Variants in TEKT5 observed in about 807,000 individuals in gnomAD.
The protein encoded by TEKT5 is tektin 5.
TEKT5 carries 52 observed loss-of-function variants against 48.7 expected under a neutral mutation model. The observed-to-expected ratio is 1.07, with a 90% CI of 0.86 to 1.35. The LOEUF is 1.35. Among genes scored for constraint, TEKT5 ranks in the 40% most tolerant of loss-of-function variants. The pLI is 0.00. For synonymous variants in TEKT5, 318 were observed against 267.6 expected (o/e 1.19, Z -1.84); for missense variants, 831 against 641.6 (o/e 1.30, Z -3.19).
Position 10,694,886 on chromosome 16 carries a change from GC to G in TEKT5, c.-14del, listed in dbSNP as rs749207987. On this transcript the variant is annotated 5_prime_UTR_variant, in exon 1 of 7. Coordinates refer to ENST00000283025, the MANE Select transcript of TEKT5 (RefSeq NM_144674.2). ...CAAGAAACTCCATCCTCCCTCATGA[GC>G]CCCACTCGGGCAAAACTCAGCTCAA... is the stretch of plus-strand genomic sequence containing the variant. The G allele has an allele frequency of 6.5e-7, 1 of 1,528,974 alleles. No homozygotes were observed. Among genetic ancestry groups the G allele is most frequent in the African/African-American group, 1.4e-5 (1 of 72,216 alleles). The allele number at this position is 1,528,974 out of a possible 1,614,324, so 94.7% of individuals were successfully genotyped here.
At chr16:10,678,065 G>A (rs1008831183) in intron 4 of TEKT5, among the ~76,000 whole-genome samples, 1 of 152,148 alleles carries the variant, frequency 6.6e-6, no homozygotes, top group Admixed American at 6.6e-5. Flanking sequence ...AATGGACTAT[G>A]TGGGGTTTTC....
intron 4 of TEKT5, among the ~76,000 whole-genome samples, chr16:10,680,104 A>C (rs948890268): frequency 6.6e-6 from 1 of 152,286 alleles, no homozygotes; most frequent in South Asian, 2.1e-4. Context: ...TCTGTTTGGG[A>C]AGAGAGACCC....
chr16:10,659,119 G>A (rs748551602), intron 5 of TEKT5, among the ~76,000 whole-genome samples: 16 of 152,176 alleles, frequency 1.1e-4, no homozygotes, highest in African/African-American at 4.8e-5. Context: ...CATCCACCCC[G>A]CAAGCTGTGA....
intron 5 of TEKT5, among the ~76,000 whole-genome samples, chr16:10,673,646 ATTTTTTT>A (rs60322821): frequency 1.9e-5 from 2 of 105,770 alleles, no homozygotes; most frequent in Non-Finnish European, 3.8e-5. Context: ...CACCCATTCT[ATTTTTTT>A]TTTTTTTTTT....
intron 5 of TEKT5, among the ~76,000 whole-genome samples, chr16:10,663,565 GAA>G (rs1330449425): frequency 6.6e-6 from 1 of 152,194 alleles, no homozygotes; most frequent in African/African-American, 2.4e-5. Flanking sequence ...AGGAGAGAGA[GAA>G]AGAGGAGAGG....
At position 10,635,769 on chromosome 16, in the gene TEKT5, C is replaced by T. The variant is rs745922342; in HGVS notation, c.1236G>A (p.Gln412=). 1.2e-6 allele frequency: 2 copies of T among 1,611,900 alleles called. No homozygotes were observed. The highest frequency in any genetic ancestry group is 1.7e-6 in the Non-Finnish European group (2 of 1,178,368). The change falls in exon 6 of 7, where the codon CAG becomes CAA. Residue 412 remains glutamine (Q), a synonymous_variant. Transcript: ENST00000283025. ...PNMELCRDIP[Q]LKLVNEVFTI... is the part of the protein sequence containing the mutation. ...CTCTGGCCTCCCTCACTTACTTCAA[C>T]TGCGGGATGTCCCTGCACAGCTCCA...
chr16:10,635,916 C>T lies in TEKT5; in HGVS notation c.1089G>A (p.Thr363=), dbSNP rs775543552. The change falls in exon 6 of 7, where the codon ACG becomes ACA. Residue 363 remains threonine, a splice_region_variant and synonymous_variant. Coordinates refer to ENST00000283025, the MANE Select transcript of TEKT5 (RefSeq NM_144674.2). ...KNKLQTQLAK[T]LQEIFQAENT... is the part of the protein sequence containing the mutation. ...TCTCGGCCTGGAAGATCTCCTGCAGCGTCTGCGAGGGAACACACAGGTGTC... is the reference window on the plus strand; with the variant it reads ...TCTCGGCCTGGAAGATCTCCTGCAGTGTCTGCGAGGGAACACACAGGTGTC... 33 of 1,613,528 alleles carry T rather than the reference C, an allele frequency of 2.0e-5. No homozygotes were observed. Among genetic ancestry groups the T allele is most frequent in the Non-Finnish European group, 2.4e-5 (28 of 1,179,998 alleles).
In TEKT5 at chr16:10,689,266, C is replaced by G; in HGVS notation, c.706G>C (p.Asp236His). 1 of 1,608,166 alleles carries G rather than the reference C, an allele frequency of 6.2e-7. No homozygotes were observed. Among genetic ancestry groups the G allele is most frequent in the Non-Finnish European group, 8.5e-7 (1 of 1,178,124 alleles). Reference sequence around the variant, plus strand: ...AAAAGCCCTTACCGCATCTGGATATCAATTCTTTGAGCTAATTTTCTCATC... The same window carrying G: ...AAAAGCCCTTACCGCATCTGGATATGAATTCTTTGAGCTAATTTTCTCATC... ...EQMRKLAQRI[D>H]IQMRDNRDAQ... The change falls in exon 3 of 7, where the codon GAT becomes CAT. Residue 236 changes from aspartate (D) to histidine (H), a missense_variant. Coordinates refer to ENST00000283025, the MANE Select transcript of TEKT5 (RefSeq NM_144674.2).
chr16:10,684,544 C>CG (rs905066936), intron 3 of TEKT5, among the ~76,000 whole-genome samples: 11 of 152,100 alleles, frequency 7.2e-5, no homozygotes, highest in African/African-American at 2.7e-4. Context: ...ACCCCAGTCC[C>CG]GGGGCCCTTG....
intron 5 of TEKT5, among the ~76,000 whole-genome samples, chr16:10,640,289 C>T (rs920662406): frequency 6.6e-6 from 1 of 152,036 alleles, no homozygotes; most frequent in Non-Finnish European, 1.5e-5. Flanking sequence ...ACTACAGGTG[C>T]CTGCCACCAC....
chr16:10,681,370 ACTCTCTGTCTCTCTCTCTCTCTCTCT>A (rs1160104185), intron 4 of TEKT5, among the ~76,000 whole-genome samples: 2 of 147,950 alleles, frequency 1.4e-5, no homozygotes, highest in African/African-American at 5.0e-5. Context: ...TCCAGATTCC[ACTCTCTGTCTCTCTCTCTCTCTCTCT>A]CTCTCTCTCT....
chr16:10,647,458 T>G (rs1022706449), intron 5 of TEKT5, among the ~76,000 whole-genome samples: 7 of 126,262 alleles, frequency 5.5e-5, no homozygotes, highest in East Asian at 2.3e-4. Context: ...GGTGACAGAG[T>G]GGGACCCTGT....
chr16:10,677,557 C>A lies in TEKT5; in HGVS notation c.864-1376G>T, dbSNP rs1430891190. ...CTGGGAGTCAGAGATTGCAGCGAGC[C>A]GAGATCACGCTACTGCACTCCAGCC... On this transcript the variant is annotated intron_variant, in intron 4 of 6. Coordinates refer to ENST00000283025, the MANE Select transcript of TEKT5 (RefSeq NM_144674.2). 2.0e-5 allele frequency among the ~76,000 whole-genome samples: 3 copies of A among 146,682 alleles called. 1 individual carries two copies. Among genetic ancestry groups the A allele is most frequent in the Admixed American group, 6.7e-5 (1 of 14,930 alleles).
chr16:10,629,915 T>G (rs1321822662), intron 6 of TEKT5, among the ~76,000 whole-genome samples: 1 of 152,182 alleles, frequency 6.6e-6, no homozygotes, highest in East Asian at 1.9e-4. Flanking sequence ...TTTGCTTATC[T>G]AGAACTTTCC....
At chr16:10,650,054 T>G (rs972251565) in intron 5 of TEKT5, among the ~76,000 whole-genome samples, 5 of 151,884 alleles carry the variant, frequency 3.3e-5, no homozygotes, top group African/African-American at 1.2e-4. Context: ...CCCTGCCATT[T>G]CTTTTTTTAT....
intron 6 of TEKT5, among the ~76,000 whole-genome samples, chr16:10,632,869 G>GACAC (rs35503579): frequency 0.075 from 9,834 of 131,546 alleles, 478 homozygotes; most frequent in East Asian, 0.13. Context: ...CACAGATGCA[G>GACAC]ACACACACAC....
At chr16:10,656,126 G>A (rs573937312) in intron 5 of TEKT5, among the ~76,000 whole-genome samples, 9 of 152,178 alleles carry the variant, frequency 5.9e-5, no homozygotes, top group African/African-American at 1.9e-4. Flanking sequence ...AGCCTCCCTG[G>A]TCTCTACCCA....
chr16:10,681,623 T>C (rs1394309940), intron 4 of TEKT5, among the ~76,000 whole-genome samples: 1 of 151,330 alleles, frequency 6.6e-6, no homozygotes, highest in Non-Finnish European at 1.5e-5. Context: ...GTGAAACTGC[T>C]GAGTGGCAGT....
chr16:10,641,325 C>T (rs984512430), intron 5 of TEKT5, among the ~76,000 whole-genome samples: 3 of 152,032 alleles, frequency 2.0e-5, no homozygotes, highest in Non-Finnish European at 4.4e-5. Flanking sequence ...TGATATTAAC[C>T]GAAAGAGGCT....
Sources: allele counts gnomAD v4.1 joint callset (sites outside exome capture counted in the v4.1 genomes callset), GRCh38; gene constraint gnomAD v4.1.1; transcripts MANE v1.5; gene names NCBI Gene and HGNC (gene_info 2026-07-23, HGNC 2026-07-21).